The following CLNK variants were observed in gnomAD, a reference collection of about 807,000 sequenced individuals.
CLNK encodes cytokine dependent hematopoietic cell linker.
A neutral mutation model predicts 68.6 loss-of-function variants in CLNK; 74 were observed. The ratio of observed to expected loss-of-function variants is 1.08; its 90% CI spans 0.89 to 1.31. CLNK has a LOEUF of 1.31. CLNK is among the 50% of genes most tolerant of loss of function. The pLI, the probability that CLNK is intolerant of heterozygous loss-of-function variation, is 0.00. For synonymous variants in CLNK, 198 were observed against 172.2 expected (o/e 1.15, Z -1.17); for missense variants, 553 against 515.3 (o/e 1.07, Z -0.71).
At chr4:10,722,013 C>T in the CLNK span, among the ~76,000 whole-genome samples, 1 of 151,986 alleles carries the variant, frequency 6.6e-6, no homozygotes, top group Non-Finnish European at 1.5e-5. Flanking sequence ...CCCATCTCTA[C>T]AAAAAATACA....
At chr4:10,568,465 A>G (rs1720210997) in intron 5 of CLNK, among the ~76,000 whole-genome samples, 1 of 152,206 alleles carries the variant, frequency 6.6e-6, no homozygotes, top group Non-Finnish European at 1.5e-5. Flanking sequence ...ATACAAAAAA[A>G]CCATTAAATT....
intron 8 of CLNK, among the ~76,000 whole-genome samples, 175 bp from the exon 9 acceptor site, chr4:10,542,455 G>A (rs1322563698): frequency 1.3e-5 from 2 of 152,026 alleles, no homozygotes; most frequent in Admixed American, 6.6e-5. Flanking sequence ...TTAGTTACGT[G>A]GTCTTATTAA....
At chr4:10,535,281 AG>A (rs1718715066) in intron 11 of CLNK, among the ~76,000 whole-genome samples, 2 of 152,150 alleles carry the variant, frequency 1.3e-5, no homozygotes, top group Admixed American at 1.3e-4. Flanking sequence ...GGAAAGCCAT[AG>A]TTAGGCAAGT....
chr4:10,702,323 A>C, the CLNK span, among the ~76,000 whole-genome samples: 1 of 152,088 alleles, frequency 6.6e-6, no homozygotes, highest in Non-Finnish European at 1.5e-5. Context: ...AGTAGACTTG[A>C]AAAAAATGGG....
chr4:10,512,309 C>T (rs1217819349), intron 16 of CLNK, among the ~76,000 whole-genome samples: 1 of 151,764 alleles, frequency 6.6e-6, no homozygotes, highest in Non-Finnish European at 1.5e-5. Flanking sequence ...TGGCTCACTG[C>T]AACCTCCATC....
At chr4:10,697,570 T>C in the CLNK span, 1 of 152,144 alleles carries the variant, frequency 6.6e-6, no homozygotes, top group Non-Finnish European at 1.5e-5. Context: ...TATCACCTTC[T>C]TCCCCTTTCC....
chr4:10,541,346 G>A (rs1560208573), intron 10 of CLNK, among the ~76,000 whole-genome samples: 1 of 151,936 alleles, frequency 6.6e-6, no homozygotes, highest in Admixed American at 6.6e-5. Context: ...TTTAGTAGAT[G>A]CTGGAGATAT....
At chr4:10,653,339 G>A (rs1056246385) in intron 2 of CLNK, among the ~76,000 whole-genome samples, 5 of 151,590 alleles carry the variant, frequency 3.3e-5, no homozygotes, top group East Asian at 1.9e-4. Flanking sequence ...TTCTGCACAC[G>A]TACTCCAGAA....
At chr4:10,673,855 G>C (rs182827131) in intron 1 of CLNK, among the ~76,000 whole-genome samples, 1 of 152,184 alleles carries the variant, frequency 6.6e-6, no homozygotes, top group Non-Finnish European at 1.5e-5. Flanking sequence ...CCAGATCAAA[G>C]AGTATGCAAC....
At chr4:10,613,589 A>G (rs1003399940) in intron 2 of CLNK, among the ~76,000 whole-genome samples, 1 of 152,170 alleles carries the variant, frequency 6.6e-6, no homozygotes, top group Non-Finnish European at 1.5e-5. Context: ...CACAAAGATA[A>G]CAATTATGAC....
At chr4:10,732,988 C>T in the CLNK span, among the ~76,000 whole-genome samples, 3 of 152,142 alleles carry the variant, frequency 2.0e-5, no homozygotes, top group Admixed American at 6.6e-5. Context: ...ATTTCTAGTG[C>T]AGGAGATTTC....
At chr4:10,576,032 C>T (rs529152522) in intron 4 of CLNK, among the ~76,000 whole-genome samples, 18 of 152,250 alleles carry the variant, frequency 1.2e-4, no homozygotes, top group African/African-American at 2.9e-4. Context: ...TGATGGCTCC[C>T]GCAACCCACG....
chr4:10,600,509 T>C (rs1396652669), intron 2 of CLNK, among the ~76,000 whole-genome samples: 2 of 152,186 alleles, frequency 1.3e-5, no homozygotes, highest in Non-Finnish European at 2.9e-5. Flanking sequence ...TATAATATTG[T>C]TAAATGCCCT....
Position 10,669,348 on chromosome 4 carries a change from C to G in CLNK, c.-42-1437G>C, listed in dbSNP as rs1032837904. On this transcript the variant is annotated intron_variant, in intron 1 of 18. Transcript: ENST00000226951. Reference sequence around the variant, plus strand: ...AAACAAAACATAACAAATCCTAACTCTGTCTTGGAGAGCCAGCCAGGGTGA... The same window carrying G: ...AAACAAAACATAACAAATCCTAACTGTGTCTTGGAGAGCCAGCCAGGGTGA... Among the ~76,000 whole-genome samples, 3 of 152,222 alleles carry G rather than the reference C, an allele frequency of 2.0e-5. No individual in the cohort carries two copies. The East Asian group carries it at 5.8e-4, about 29-fold the overall frequency.
In CLNK at chr4:10,566,084, C is replaced by T. The variant is rs975012216; in HGVS notation, c.217G>A (p.Glu73Lys). Residue 73 changes from glutamate to lysine, a missense_variant, in exon 6 of 19, where the codon GAG (glutamate) becomes AAG (lysine). Coordinates refer to ENST00000226951, the MANE Select transcript of CLNK (RefSeq NM_052964.4). ...GHSDDDYDDP[E>K]LRMEETWQSI... ...TGCCATGTCTCTTCCATCCGAAGCTCAGGGTCATCATAGTCATCATCACTG... is the reference window on the plus strand; with the variant it reads ...TGCCATGTCTCTTCCATCCGAAGCTTAGGGTCATCATAGTCATCATCACTG... 6.2e-7 allele frequency: 1 copy of T among 1,613,824 alleles called. No homozygotes were observed. Among genetic ancestry groups the T allele is most frequent in the Non-Finnish European group, 8.5e-7 (1 of 1,179,872 alleles).
At chr4:10,650,211 G>C (rs796946787) in intron 2 of CLNK, among the ~76,000 whole-genome samples, 1 of 152,190 alleles carries the variant, frequency 6.6e-6, no homozygotes, top group African/African-American at 2.4e-5. Context: ...CAGCATTCAG[G>C]CTAGAGTGAA....
intron 11 of CLNK, among the ~76,000 whole-genome samples, chr4:10,537,773 C>T (rs1217784962): frequency 1.6e-5 from 2 of 123,710 alleles, no homozygotes; most frequent in Non-Finnish European, 3.6e-5. Flanking sequence ...CTCTCTCTTC[C>T]TTCCTTCCTT....
chr4:10,643,579 T>G (rs1723396655), intron 2 of CLNK, among the ~76,000 whole-genome samples: 1 of 152,252 alleles, frequency 6.6e-6, no homozygotes, highest in Non-Finnish European at 1.5e-5. Flanking sequence ...GCAGCCACGC[T>G]CAGGCGCATA....
intron 14 of CLNK, among the ~76,000 whole-genome samples, chr4:10,524,758 G>A (rs752995545): frequency 3.9e-5 from 6 of 152,150 alleles, no homozygotes; most frequent in Non-Finnish European, 8.8e-5. Context: ...CTTTAAGCTG[G>A]GGTTCCATGG....
Sources: allele counts gnomAD v4.1 joint callset (sites outside exome capture counted in the v4.1 genomes callset), GRCh38; gene constraint gnomAD v4.1.1; transcripts MANE v1.5; gene names NCBI Gene and HGNC (gene_info 2026-07-23, HGNC 2026-07-21).